The following MUC7 variants were observed in gnomAD, a reference collection of about 807,000 sequenced individuals.
MUC7 encodes mucin 7, secreted, also known as mucin-7.
A neutral mutation model predicts 2.5 loss-of-function variants in MUC7; 2 were observed. The ratio of observed to expected loss-of-function variants is 0.81; its 90% CI spans 0.33 to 2.55. The LOEUF (loss-of-function observed/expected upper bound fraction) is 2.55. Ranked by LOEUF, MUC7 falls within the 30% of genes most tolerant of loss-of-function variation. The pLI, the probability that MUC7 is intolerant of heterozygous loss-of-function variation, is 0.11. For synonymous variants in MUC7, 133 were observed against 173.4 expected, an observed-to-expected ratio of 0.77 and a Z score of 1.83; for missense variants, 408 against 455.6, an observed-to-expected ratio of 0.90 and a Z score of 0.95.
intron 1 of MUC7, among the ~76,000 whole-genome samples, chr4:70,464,284 C>T (rs1038497252): frequency 1.3e-5 from 2 of 152,186 alleles, no homozygotes; most frequent in African/African-American, 4.8e-5. Context: ...ATGCCTATAC[C>T]ACCAGGGCCC....
At chr4:70,448,191 T>C (rs1044077885) in intron 1 of MUC7, among the ~76,000 whole-genome samples, 2 of 152,308 alleles carry the variant, frequency 1.3e-5, no homozygotes, top group Admixed American at 6.5e-5. Context: ...CATCTGTTGG[T>C]AGACATTTAG....
In MUC7 at chr4:70,463,276, T is replaced by C. The variant is rs111791172; in HGVS notation, c.-92-8939T>C. ...TGGTTAAAATAACTGATGTTTTCCA[T>C]ATTCAAATTATGTCTTACAGAGAAA... is the stretch of plus-strand genomic sequence containing the variant. On this transcript the variant is annotated intron_variant, in intron 1 of 3. Transcript: ENST00000413702. Among the ~76,000 whole-genome samples, 326 of 152,348 alleles carry C rather than the reference T, an allele frequency of 2.1e-3. 4 individuals are homozygous for C. The highest frequency in any genetic ancestry group is 7.3e-3 in the African/African-American group (303 of 41,576).
chr4:70,459,114 A>G (rs1024901635), intron 1 of MUC7, among the ~76,000 whole-genome samples: 1 of 152,232 alleles, frequency 6.6e-6, no homozygotes, highest in African/African-American at 2.4e-5. Flanking sequence ...TCAGCAAATC[A>G]GATGACAAAA....
intron 1 of MUC7, among the ~76,000 whole-genome samples, chr4:70,440,906 G>A (rs76771980): frequency 0.024 from 3,584 of 152,194 alleles, 129 homozygotes; most frequent in African/African-American, 0.08. Context: ...CATAAGGCAT[G>A]CTAAACATTT....
chr4:70,458,239 T>TA (rs34779460), intron 1 of MUC7, among the ~76,000 whole-genome samples: 2 of 151,098 alleles, frequency 1.3e-5, no homozygotes, highest in Non-Finnish European at 3.0e-5. Context: ...TTGATTGATC[T>TA]AAAAAAAAAA....
intron 2 of MUC7, among the ~76,000 whole-genome samples, chr4:70,474,364 A>T (rs371439900): frequency 4.6e-5 from 7 of 151,830 alleles, no homozygotes; most frequent in African/African-American, 1.7e-4. Context: ...ACAACAACAA[A>T]ATTTAATTAG....
At chr4:70,463,934 A>G (rs1734618433) in intron 1 of MUC7, among the ~76,000 whole-genome samples, 1 of 152,206 alleles carries the variant, frequency 6.6e-6, no homozygotes. Context: ...TAAAGTTAAA[A>G]ATAATGGAAT....
Position 70,435,176 on chromosome 4 carries a change from A to G in MUC7, c.-93+4489A>G, listed in dbSNP as rs538123067. 2.6e-4 allele frequency among the ~76,000 whole-genome samples: 39 copies of G among 152,318 alleles called. No individual in the cohort carries two copies. The South Asian group carries it at 7.9e-3, about 31-fold the overall frequency. ...TGTGAAATGGTGCTGAGAAGAATGT[A>G]TATTCTGTTGACTTGGGGTGGAGAA... On this transcript the variant is annotated intron_variant, in intron 1 of 3. Coordinates refer to the MUC7 transcript ENST00000413702.
chr4:70,435,035 C>A (rs1342462694), intron 1 of MUC7, among the ~76,000 whole-genome samples: 2 of 152,070 alleles, frequency 1.3e-5, no homozygotes, highest in Admixed American at 6.5e-5. Context: ...GTTTCTTAAT[C>A]CTGAGTTCTA....
chr4:70,435,150 G>A (rs1733793798), intron 1 of MUC7, among the ~76,000 whole-genome samples: 1 of 152,194 alleles, frequency 6.6e-6, no homozygotes, highest in South Asian at 2.1e-4. Flanking sequence ...TTTAGAATAA[G>A]TGTGAAATGG....
intron 2 of MUC7, among the ~76,000 whole-genome samples, chr4:70,480,246 T>C (rs950161927): frequency 5.9e-5 from 9 of 152,210 alleles, no homozygotes; most frequent in Admixed American, 2.6e-4. Flanking sequence ...GTTTCTCCAA[T>C]TTATAAAGGC....
chr4:70,474,198 T>G (rs1214737095), intron 2 of MUC7, 123 bp downstream of exon 2: 1 of 773,940 alleles, frequency 1.3e-6, no homozygotes, highest in Non-Finnish European at 2.1e-6. Flanking sequence ...CATCTTTTAT[T>G]TCCAGGAAAC....
intron 1 of MUC7, among the ~76,000 whole-genome samples, chr4:70,465,510 A>G (rs564578875): frequency 6.6e-6 from 1 of 152,312 alleles, no homozygotes; most frequent in African/African-American, 2.4e-5. Flanking sequence ...AAAAAAGGTT[A>G]GCAGAATTGC....
At chr4:70,438,789 T>C (rs1733928155) in intron 1 of MUC7, among the ~76,000 whole-genome samples, 1 of 152,154 alleles carries the variant, frequency 6.6e-6, no homozygotes, top group Admixed American at 6.6e-5. Flanking sequence ...AAAATGATAC[T>C]CTAAAAGTCT....
intron 2 of MUC7, among the ~76,000 whole-genome samples, chr4:70,477,408 C>T (rs1249240511): frequency 6.6e-6 from 1 of 152,098 alleles, no homozygotes; most frequent in Non-Finnish European, 1.5e-5. Flanking sequence ...GACTCTGTCT[C>T]AAAATACAAA....
chr4:70,437,357 C>T (rs1230651508), intron 1 of MUC7, among the ~76,000 whole-genome samples: 2 of 152,214 alleles, frequency 1.3e-5, no homozygotes, highest in African/African-American at 4.8e-5. Flanking sequence ...GTGGGCTCCA[C>T]CCAGTTTGAG....
chr4:70,481,115 C>T lies in MUC7; in HGVS notation c.371C>T (p.Thr124Ile), dbSNP rs761662135. Residue 124 changes from threonine to isoleucine, a missense_variant, in exon 3 of 3, where the codon ACT becomes ATT. By Grantham distance (89) the Thr-to-Ile change is moderately conservative. Around this residue, in one of 3 missense-constraint regions of MUC7, gnomAD observed 225 missense variants for 240.5 expected, o/e 0.94. Transcript: ENST00000304887. ...TTCCCATCAGCTTCCACCAAAATTA[C>T]TACCCTTCCAAATGTGACTTTTCTT... ...VTFPSASTKI[T>I]TLPNVTFLPQ... is the part of the protein sequence containing the mutation. 3.7e-6 allele frequency: 6 copies of T among 1,614,044 alleles called. No homozygotes were observed. Among genetic ancestry groups the T allele is most frequent in the African/African-American group, 2.7e-5 (2 of 74,902 alleles).
At chr4:70,439,152 C>G (rs948449397) in intron 1 of MUC7, among the ~76,000 whole-genome samples, 1 of 151,992 alleles carries the variant, frequency 6.6e-6, no homozygotes, top group Non-Finnish European at 1.5e-5. Flanking sequence ...TTTCAAAAAG[C>G]CTTTTTAAAG....
chr4:70,469,715 C>T (rs1401843112), upstream of MUC7, among the ~76,000 whole-genome samples: 1 of 152,186 alleles, frequency 6.6e-6, no homozygotes, highest in East Asian at 1.9e-4. Context: ...GAGATACCAT[C>T]TCAAGCCAGT....
Sources: allele counts gnomAD v4.1 joint callset (sites outside exome capture counted in the v4.1 genomes callset), GRCh38; gene constraint gnomAD v4.1.1; regional missense constraint gnomAD v4.1.1; transcripts MANE v1.5; gene names NCBI Gene and HGNC (gene_info 2026-07-23, HGNC 2026-07-21).